KLF15: variants seen among roughly 807,000 people sequenced by gnomAD.
The protein encoded by KLF15 is KLF transcription factor 15.
KLF15 carries 4 observed loss-of-function variants against 24.6 expected under a neutral mutation model. The ratio of observed to expected loss-of-function variants is 0.16; its 90% CI spans 0.08 to 0.37. The LOEUF is 0.37. Ranked by LOEUF, KLF15 falls within the 10% of genes least tolerant of loss-of-function variation. The pLI, the probability that KLF15 is intolerant of heterozygous loss-of-function variation, is 1.00. For synonymous variants in KLF15, 246 were observed against 236.3 expected, an observed-to-expected ratio of 1.04 and a Z score of -0.37; for missense variants, 496 against 560.6, an observed-to-expected ratio of 0.88 and a Z score of 1.16.
the KLF15 span, among the ~76,000 whole-genome samples, chr3:126,329,596 C>A: frequency 9.5e-4 from 145 of 152,092 alleles, 1 homozygote; most frequent in African/African-American, 3.3e-3. Context: ...CCACCATTGT[C>A]GTGTCATATT....
chr3:126,351,776 A>T (rs912765318), intron 2 of KLF15, 65 bp downstream of exon 2: 51 of 1,461,498 alleles, frequency 3.5e-5, no homozygotes, highest in Non-Finnish European at 4.7e-5. Context: ...GCCCTGCTGC[A>T]CACCCAAGTA....
downstream of KLF15, among the ~76,000 whole-genome samples, chr3:126,341,724 G>T (rs566859660): frequency 5.5e-4 from 84 of 152,268 alleles, no homozygotes; most frequent in Non-Finnish European, 1.0e-3. Flanking sequence ...TCTCTGCTGG[G>T]AGCCCATGGG....
At chr3:126,309,461 G>T in the KLF15 span, among the ~76,000 whole-genome samples, 1 of 152,242 alleles carries the variant, frequency 6.6e-6, no homozygotes, top group Non-Finnish European at 1.5e-5. Flanking sequence ...CCCATGTGGC[G>T]ACAGATTCGA....
intron 2 of KLF15, among the ~76,000 whole-genome samples, chr3:126,348,345 T>G (rs542696014): frequency 1.3e-5 from 2 of 152,312 alleles, no homozygotes; most frequent in African/African-American, 4.8e-5. Flanking sequence ...CTGGTTATTA[T>G]CTCGATTGTG....
Position 126,351,829 on chromosome 3 carries a change from C to A in KLF15, c.1082+12G>T. 6.2e-7 allele frequency: 1 copy of A among 1,607,770 alleles called. No homozygotes were observed. The highest frequency in any genetic ancestry group is 1.1e-5 in the South Asian group (1 of 89,932). Reference sequence around the variant, plus strand: ...GTGCTCACTGCCCAGGCCTGTCACTCGCTATACTGACCTCCAGCCGCAGCC... The same window carrying A: ...GTGCTCACTGCCCAGGCCTGTCACTAGCTATACTGACCTCCAGCCGCAGCC... On this transcript the variant is annotated intron_variant, in intron 2 of 2. Transcript: ENST00000296233.
rs2082499149 is a variant in KLF15 at position 126,343,466 on chromosome 3, G to GCACGAAGC, written c.*260_*261insGCTTCGTG. 2.3e-6 allele frequency: 1 copy of GCACGAAGC among 440,516 alleles called. No individual in the cohort carries two copies. The highest frequency in any genetic ancestry group is 4.0e-6 in the Non-Finnish European group (1 of 249,660). The allele number at this position is 440,516 out of a possible 1,614,324, so 27.3% of individuals were successfully genotyped here. A position where few individuals can be genotyped will look rare whatever the true frequency, so the allele number is the denominator to read the frequency against. ...GCAGAGGCCTGGCCACCGCGGGAAG[G>GCACGAAGC]CACGAAGGCACGAAGGCACGAAGGC... On this transcript the variant is annotated 3_prime_UTR_variant, in exon 3 of 3. Transcript: ENST00000296233.
chr3:126,306,877 G>A, the KLF15 span, among the ~76,000 whole-genome samples: 1 of 152,156 alleles, frequency 6.6e-6, no homozygotes, highest in Admixed American at 6.5e-5. Context: ...CTCCATCTCT[G>A]GCAATGGTGC....
At chr3:126,342,241 G>A (rs112398154), downstream of KLF15, among the ~76,000 whole-genome samples, 5 of 152,338 alleles carry the variant, frequency 3.3e-5, no homozygotes, top group African/African-American at 1.2e-4. Flanking sequence ...CCAAGGCACA[G>A]CAAACATATA....
the KLF15 span, among the ~76,000 whole-genome samples, chr3:126,288,578 C>T: frequency 1.3e-4 from 20 of 152,246 alleles, no homozygotes; most frequent in Non-Finnish European, 2.9e-4. Context: ...AGCGGCCTCC[C>T]GGACACCAAC....
At chr3:126,339,532 G>A (rs1260370154), downstream of KLF15, among the ~76,000 whole-genome samples, 1 of 152,042 alleles carries the variant, frequency 6.6e-6, no homozygotes, top group Admixed American at 6.5e-5. Flanking sequence ...TTTTGAACAA[G>A]CCCCATTTTC....
At chr3:126,349,597 C>T (rs1430796033) in intron 2 of KLF15, among the ~76,000 whole-genome samples, 1 of 152,210 alleles carries the variant, frequency 6.6e-6, no homozygotes, top group Non-Finnish European at 1.5e-5. Flanking sequence ...GCTGAGGGGC[C>T]TATCAGCTCT....
chr3:126,311,838 G>A, the KLF15 span, among the ~76,000 whole-genome samples: 1,171 of 152,350 alleles, frequency 7.7e-3, 8 homozygotes, highest in Middle Eastern at 0.02. Context: ...GGGCCAGGAA[G>A]GCGGCCCTGC....
intron 1 of KLF15, among the ~76,000 whole-genome samples, chr3:126,355,766 A>G (rs970361699): frequency 6.6e-6 from 1 of 152,228 alleles, no homozygotes; most frequent in African/African-American, 2.4e-5. Context: ...GTCGGAGAGT[A>G]GGAATGGGTG....
chr3:126,340,253 C>T (rs2082470273), downstream of KLF15, among the ~76,000 whole-genome samples: 2 of 152,244 alleles, frequency 1.3e-5, no homozygotes, highest in African/African-American at 4.8e-5. Context: ...CTGCATTTTC[C>T]AGCCTCCCTG....
At chr3:126,339,721 G>A (rs915675237), downstream of KLF15, among the ~76,000 whole-genome samples, 1 of 152,030 alleles carries the variant, frequency 6.6e-6, no homozygotes, top group Non-Finnish European at 1.5e-5. Context: ...CAAGGAAAAT[G>A]ACAATTTTCC....
the KLF15 span, among the ~76,000 whole-genome samples, chr3:126,298,171 G>A: frequency 6.6e-6 from 1 of 151,664 alleles, no homozygotes; most frequent in Non-Finnish European, 1.5e-5. Flanking sequence ...ATCTCATTAC[G>A]GTTTTGATTT....
At chr3:126,354,435 C>A (rs2107559357) in intron 1 of KLF15, 1 of 152,470 alleles carries the variant, frequency 6.6e-6, no homozygotes, top group South Asian at 2.1e-4. Context: ...CAACCTTGAG[C>A]AAGTCCTTGC....
chr3:126,301,024 G>C, the KLF15 span, among the ~76,000 whole-genome samples: 23 of 152,322 alleles, frequency 1.5e-4, no homozygotes, highest in African/African-American at 5.5e-4. Context: ...AAAGCCTCAC[G>C]TTATGGACTG....
chr3:126,298,071 G>A, the KLF15 span, among the ~76,000 whole-genome samples: 1 of 152,160 alleles, frequency 6.6e-6, no homozygotes, highest in South Asian at 2.1e-4. Flanking sequence ...TACCAGCAGT[G>A]TAGAAATGCT....
Sources: allele counts gnomAD v4.1 joint callset (sites outside exome capture counted in the v4.1 genomes callset), GRCh38; gene constraint gnomAD v4.1.1; transcripts MANE v1.5; gene names NCBI Gene and HGNC (gene_info 2026-07-23, HGNC 2026-07-21).